The following GNAI3 variants were observed in gnomAD, a reference collection of about 807,000 sequenced individuals.
The protein encoded by GNAI3 is guanine nucleotide-binding protein G(i) subunit alpha-3.
Under a neutral mutation model 41.8 loss-of-function variants are expected in GNAI3, and 12 were observed. The ratio of observed to expected loss-of-function variants is 0.29; its 90% CI spans 0.18 to 0.47. The LOEUF is 0.47. Ranked by LOEUF, GNAI3 falls within the 20% of genes least tolerant of loss-of-function variation. The probability of loss-of-function intolerance (pLI) is 1.00; values close to 1 mark genes in which losing one functional copy is unlikely to be tolerated. For synonymous variants in GNAI3, 132 were observed against 146.5 expected, an observed-to-expected ratio of 0.90 and a Z score of 0.71; for missense variants, 360 against 429.6, an observed-to-expected ratio of 0.84 and a Z score of 1.43.
intron 1 of GNAI3, among the ~76,000 whole-genome samples, chr1:109,555,406 C>A (rs764572352): frequency 5.3e-5 from 8 of 152,088 alleles, no homozygotes; most frequent in Non-Finnish European, 7.4e-5. Context: ...TAATCTTCGA[C>A]AAAGAAACAA....
chr1:109,555,812 C>T (rs761886889), intron 1 of GNAI3, among the ~76,000 whole-genome samples: 5 of 152,146 alleles, frequency 3.3e-5, no homozygotes, highest in Non-Finnish European at 7.4e-5. Flanking sequence ...GTTCCTCCCC[C>T]GTGGTGCTGA....
At chr1:109,580,137 G>A (rs1648852627) in intron 4 of GNAI3, among the ~76,000 whole-genome samples, 1 of 152,168 alleles carries the variant, frequency 6.6e-6, no homozygotes, top group Admixed American at 6.5e-5. Context: ...AAGTAACTGG[G>A]ACTACAGGCG....
At chr1:109,581,331 CG>C (rs1236968796) in intron 4 of GNAI3, among the ~76,000 whole-genome samples, 4 of 150,816 alleles carry the variant, frequency 2.7e-5, no homozygotes, top group Admixed American at 2.0e-4. Flanking sequence ...TGAAAGAAAA[CG>C]GAAAATATTC....
intron 7 of GNAI3, among the ~76,000 whole-genome samples, chr1:109,589,458 A>C (rs111399646): frequency 1.3e-5 from 2 of 152,160 alleles, no homozygotes; most frequent in East Asian, 3.9e-4. Flanking sequence ...CTCTTGAGCA[A>C]CGTGGGTTTA....
At chr1:109,588,913 C>CAATCAATA (rs1279038099) in intron 7 of GNAI3, among the ~76,000 whole-genome samples, 7 of 151,964 alleles carry the variant, frequency 4.6e-5, no homozygotes, top group Non-Finnish European at 1.5e-5. Flanking sequence ...ATCAATCAAT[C>CAATCAATA]AATAAAGTGA....
chr1:109,599,088 G>C lies in GNAI3; in HGVS notation c.*6766G>C, dbSNP rs1649386071. On this transcript the variant is annotated 3_prime_UTR_variant, in exon 9 of 9. Coordinates refer to ENST00000369851, the MANE Select transcript of GNAI3 (RefSeq NM_006496.4). ...GACTATTTGGAGGTACATGTGAGTG[G>C]ATTTTATTACCAGAGTAGGAACTGT... 3.1e-6 allele frequency: 1 copy of C among 319,904 alleles called. No individual in the cohort carries two copies. Among genetic ancestry groups the C allele is most frequent in the Non-Finnish European group, 7.4e-6 (1 of 135,244 alleles). 19.8% of individuals were successfully genotyped at this position (319,904 alleles called of 1,614,324 possible).
At chr1:109,575,757 C>G (rs1189835893) in intron 3 of GNAI3, among the ~76,000 whole-genome samples, 1 of 152,006 alleles carries the variant, frequency 6.6e-6, no homozygotes, top group Non-Finnish European at 1.5e-5. Context: ...GTCTCGAACT[C>G]CTGACCTTGT....
At position 109,598,300 on chromosome 1, in the gene GNAI3, C is replaced by T. The variant is rs1226336732; in HGVS notation, c.*5978C>T. ...GGTCCTGAGACCTCTCAGAATCTTACGAGGTTGGAGAGTTGTTTGGAATGC... is the reference window on the plus strand; with the variant it reads ...GGTCCTGAGACCTCTCAGAATCTTATGAGGTTGGAGAGTTGTTTGGAATGC... On this transcript the variant is annotated 3_prime_UTR_variant, in exon 9 of 9. Coordinates refer to ENST00000369851, the MANE Select transcript of GNAI3 (RefSeq NM_006496.4). The T allele has an allele frequency of 2.0e-5, 3 of 152,198 alleles. No homozygotes were observed. The highest frequency in any genetic ancestry group is 6.5e-5 in the Admixed American group (1 of 15,272). The allele number at this position is 152,198 out of a possible 1,614,324, so 9.4% of individuals were successfully genotyped here. A position where few individuals can be genotyped will look rare whatever the true frequency, so the allele number is the denominator to read the frequency against.
At chr1:109,555,845 G>A (rs188271503) in intron 1 of GNAI3, among the ~76,000 whole-genome samples, 234 of 152,130 alleles carry the variant, frequency 1.5e-3, no homozygotes, top group Non-Finnish European at 2.9e-3. Flanking sequence ...TCTAGCTTGG[G>A]AAGGAAAAGG....
At chr1:109,556,060 T>TGAGACA (rs145992257) in intron 1 of GNAI3, among the ~76,000 whole-genome samples, 13,425 of 149,652 alleles carry the variant, frequency 0.09, 1,931 homozygotes, top group African/African-American at 0.3. Context: ...TTTTTTTTGT[T>TGAGACA]GAGTCTTACT....
chr1:109,549,920 C>G (rs1472977797), intron 1 of GNAI3, among the ~76,000 whole-genome samples: 1 of 152,098 alleles, frequency 6.6e-6, no homozygotes, highest in Non-Finnish European at 1.5e-5. Context: ...CTGGCATTAG[C>G]TTACTAATAA....
chr1:109,548,701 T>TC lies in GNAI3; in HGVS notation c.-16dup. On this transcript the variant is annotated 5_prime_UTR_variant, in exon 1 of 9. Coordinates refer to ENST00000369851, the MANE Select transcript of GNAI3 (RefSeq NM_006496.4). ...TGGTGTGAGTGAGTCCGGGCCCGTG[T>TC]CCCCTCTCCCGCCGCCGCCATGGGC... 6.4e-7 allele frequency: 1 copy of TC among 1,562,252 alleles called. No individual in the cohort carries two copies. The highest frequency in any genetic ancestry group is 2.2e-5 in the East Asian group (1 of 44,538).
chr1:109,592,036 GT>G lies in GNAI3; in HGVS notation c.875-3del. ...TTTGAACTGAGAGTACTGGGTGTCC[GT>G]TTTAGGTTCCAATACATATGAAGAG... On this transcript the variant is annotated splice_region_variant and splice_polypyrimidine_tract_variant and intron_variant, in intron 7 of 8. Coordinates refer to ENST00000369851, the MANE Select transcript of GNAI3 (RefSeq NM_006496.4). 1 of 1,590,196 alleles carries G rather than the reference GT, an allele frequency of 6.3e-7. No individual in the cohort carries two copies. The highest frequency in any genetic ancestry group is 8.6e-7 in the Non-Finnish European group (1 of 1,161,360).
chr1:109,583,618 G>A (rs899285163), intron 5 of GNAI3, among the ~76,000 whole-genome samples: 1 of 151,872 alleles, frequency 6.6e-6, no homozygotes, highest in East Asian at 1.9e-4. Flanking sequence ...GTCTTGCTCT[G>A]TTGCCAGGCT....
chr1:109,563,434 C>T (rs1648366305), intron 1 of GNAI3, among the ~76,000 whole-genome samples: 1 of 152,072 alleles, frequency 6.6e-6, no homozygotes, highest in African/African-American at 2.4e-5. Context: ...GAGGATGATC[C>T]CTGTCCTTGC....
intron 3 of GNAI3, among the ~76,000 whole-genome samples, chr1:109,578,713 C>T (rs996149080): frequency 6.6e-5 from 10 of 152,126 alleles, no homozygotes; most frequent in African/African-American, 2.4e-4. Context: ...ACTGTCTGGG[C>T]TGAAGGCAAA....
chr1:109,548,650 C>T lies in GNAI3; in HGVS notation c.-71C>T, dbSNP rs1571143318. 7.3e-6 allele frequency: 8 copies of T among 1,097,858 alleles called. No homozygotes were observed. The highest frequency in any genetic ancestry group is 1.5e-5 in the African/African-American group (1 of 65,358). The allele number at this position is 1,097,858 out of a possible 1,614,324, so 68.0% of individuals were successfully genotyped here. A position where few individuals can be genotyped will look rare whatever the true frequency, so the allele number is the denominator to read the frequency against. ...GCCACCGCCCAGCAATAGACGGTGC[C>T]TCAGCCTGCCGAGCCGCAGTTTCCG... is the stretch of plus-strand genomic sequence containing the variant. On this transcript the variant is annotated 5_prime_UTR_variant, in exon 1 of 9. Coordinates refer to ENST00000369851, the MANE Select transcript of GNAI3 (RefSeq NM_006496.4).
chr1:109,555,687 T>C (rs1239978459), intron 1 of GNAI3, among the ~76,000 whole-genome samples: 2 of 152,180 alleles, frequency 1.3e-5, no homozygotes, highest in East Asian at 3.8e-4. Flanking sequence ...CATACTAAAC[T>C]TATATGCATT....
chr1:109,582,564 A>G lies in GNAI3; in HGVS notation c.589A>G (p.Lys197Glu). ...THFTFKDLYFKMFDVGGQRSE... is the reference protein window; with the variant it reads ...THFTFKDLYFEMFDVGGQRSE... ...TTTCACCTTCAAAGACCTATACTTC[A>G]AGTAAGTCATTAGCCTTTTTGCTAG... is the stretch of plus-strand genomic sequence containing the variant. The change falls in exon 5 of 9, where the codon AAG becomes GAG. Residue 197 changes from lysine (K) to glutamate (E), a missense_variant and splice_region_variant. Lys to Glu is a moderately conservative substitution (Grantham distance 56). Transcript: ENST00000369851. The G allele has an allele frequency of 6.2e-7, 1 of 1,605,158 alleles. No individual in the cohort carries two copies. Among genetic ancestry groups the G allele is most frequent in the East Asian group, 2.2e-5 (1 of 44,798 alleles).
Sources: allele counts gnomAD v4.1 joint callset (sites outside exome capture counted in the v4.1 genomes callset), GRCh38; gene constraint gnomAD v4.1.1; transcripts MANE v1.5; gene names NCBI Gene and HGNC (gene_info 2026-07-23, HGNC 2026-07-21).